MEGF10: variants seen among roughly 807,000 people sequenced by gnomAD.
MEGF10 encodes the protein multiple EGF like domains 10.
In MEGF10, 86 loss-of-function variants were observed where a neutral mutation model predicts 147.5. The observed-to-expected ratio is 0.58, with a 90% CI of 0.49 to 0.70. The LOEUF (loss-of-function observed/expected upper bound fraction) is 0.70. MEGF10 is among the 30% of genes least tolerant of loss of function. The pLI, the probability that MEGF10 is intolerant of heterozygous loss-of-function variation, is 0.00. For missense variants in MEGF10, 1,329 were observed against 1,487.3 expected, an observed-to-expected ratio of 0.89 and a Z score of 1.75; for synonymous variants, 478 against 525.5, an observed-to-expected ratio of 0.91 and a Z score of 1.24.
chr5:127,372,267 T>C (rs555796165), intron 5 of MEGF10, among the ~76,000 whole-genome samples: 5 of 152,350 alleles, frequency 3.3e-5, no homozygotes, highest in Admixed American at 2.0e-4. Context: ...AATTAGGAGA[T>C]AGAAACCACA....
At position 127,328,949 on chromosome 5, in the gene MEGF10, G is replaced by A. The variant is rs762352477; in HGVS notation, c.-18-2342G>A. On this transcript the variant is annotated intron_variant, in intron 1 of 24. Transcript: ENST00000503335. ...GGAAAACACTAGCTGTATATTACAC[G>A]GCTTCAACTGTAAAACAGGGACAAT... Among the ~76,000 whole-genome samples, 89 of 152,062 alleles carry A rather than the reference G, an allele frequency of 5.9e-4. 1 individual carries two copies. Among genetic ancestry groups the A allele is most frequent in the Admixed American group, 1.5e-3 (23 of 15,258 alleles).
the MEGF10 span, among the ~76,000 whole-genome samples, chr5:127,269,254 T>C: frequency 6.6e-6 from 1 of 152,216 alleles, no homozygotes; most frequent in South Asian, 2.1e-4. Context: ...TTTTGACGAG[T>C]TGAAAGAAGA....
intron 12 of MEGF10, 47 bp downstream of exon 12, chr5:127,420,254 A>G (rs942968198): frequency 2.5e-6 from 4 of 1,585,914 alleles, no homozygotes; most frequent in Non-Finnish European, 3.4e-6. Context: ...TGAGGAACTG[A>G]TGTTGTAAAG....
chr5:127,320,714 C>T (rs959969251), intron 1 of MEGF10, among the ~76,000 whole-genome samples: 4 of 152,214 alleles, frequency 2.6e-5, no homozygotes, highest in African/African-American at 4.8e-5. Context: ...GCAGTTTCCT[C>T]GCATTTTGCC....
At chr5:127,283,021 A>G in the MEGF10 span, among the ~76,000 whole-genome samples, 1 of 152,098 alleles carries the variant, frequency 6.6e-6, no homozygotes, top group Non-Finnish European at 1.5e-5. Context: ...ATTCTTGCTC[A>G]TTTTTAACTT....
At chr5:127,231,370 T>A in the MEGF10 span, among the ~76,000 whole-genome samples, 1 of 152,208 alleles carries the variant, frequency 6.6e-6, no homozygotes, top group Non-Finnish European at 1.5e-5. Flanking sequence ...CCACATGGCC[T>A]CCTTCCTGTG....
At chr5:127,344,929 T>C (rs1761826388) in intron 4 of MEGF10, among the ~76,000 whole-genome samples, 1 of 152,180 alleles carries the variant, frequency 6.6e-6, no homozygotes, top group Non-Finnish European at 1.5e-5. Context: ...TTTGGGAAAT[T>C]TAGCAAGGCA....
intron 1 of MEGF10, among the ~76,000 whole-genome samples, chr5:127,319,723 T>C (rs1421880737): frequency 1.3e-5 from 2 of 152,204 alleles, no homozygotes; most frequent in East Asian, 3.8e-4. Flanking sequence ...CTTATTAAAG[T>C]CTTTGGCTAA....
At chr5:127,340,281 T>C (rs1761629938) in intron 3 of MEGF10, among the ~76,000 whole-genome samples, 2 of 152,158 alleles carry the variant, frequency 1.3e-5, no homozygotes, top group South Asian at 2.1e-4. Context: ...ATGGGTATCA[T>C]ATATGAATTA....
chr5:127,373,394 CA>C (rs1397590559), intron 5 of MEGF10, among the ~76,000 whole-genome samples: 2 of 152,186 alleles, frequency 1.3e-5, no homozygotes, highest in African/African-American at 4.8e-5. Flanking sequence ...TCAGTTGATC[CA>C]CCCACCTCGG....
chr5:127,323,418 G>A (rs905175338), intron 1 of MEGF10, among the ~76,000 whole-genome samples: 2 of 152,184 alleles, frequency 1.3e-5, no homozygotes, highest in African/African-American at 4.8e-5. Context: ...GGCATTGTGA[G>A]GTTATGCCCC....
chr5:127,365,864 G>A (rs1438437678), intron 4 of MEGF10, among the ~76,000 whole-genome samples: 1 of 152,078 alleles, frequency 6.6e-6, no homozygotes, highest in Non-Finnish European at 1.5e-5. Context: ...AAAGGACATG[G>A]GTAGGGAATA....
intron 1 of MEGF10, among the ~76,000 whole-genome samples, chr5:127,327,718 T>C (rs1384205253): frequency 6.7e-6 from 1 of 149,014 alleles, no homozygotes; most frequent in South Asian, 2.1e-4. Context: ...TCTTTTCTTT[T>C]TTTTTTTTTT....
At chr5:127,287,920 A>C (rs1759078838), upstream of MEGF10, among the ~76,000 whole-genome samples, 1 of 152,062 alleles carries the variant, frequency 6.6e-6, no homozygotes, top group South Asian at 2.1e-4. Flanking sequence ...TGAAAGGAAT[A>C]ATGAGTGAAT....
Position 127,434,801 on chromosome 5 carries a change from C to G in MEGF10, c.1955C>G (p.Thr652Arg). 1 of 1,613,440 alleles carries G rather than the reference C, an allele frequency of 6.2e-7. No individual in the cohort carries two copies. ...TGLCDCLPGF[T>R]GALCNEVCPS... ...CTGTGTGACTGCTTGCCTGGCTTCA[C>G]AGGCGCCCTCTGCAATGAAGGTAAG... The change falls in exon 15 of 25, where the codon ACA (threonine) becomes AGA (arginine). Residue 652 changes from threonine (T) to arginine (R), a missense_variant. This residue lies in a region of MEGF10 where 980 missense variants were observed against 1,085.9 expected (regional missense o/e 0.90). Transcript: ENST00000503335.
At chr5:127,287,613 T>C (rs1158772062), upstream of MEGF10, among the ~76,000 whole-genome samples, 1 of 151,972 alleles carries the variant, frequency 6.6e-6, no homozygotes, top group East Asian at 1.9e-4. Flanking sequence ...GAGATAAATG[T>C]TCATAGGTTA....
chr5:127,447,907 C>T lies in MEGF10; in HGVS notation c.2856+223C>T, dbSNP rs116813299. Among the ~76,000 whole-genome samples the T allele has an allele frequency of 2.6e-3, 399 of 152,202 alleles. 6 individuals are homozygous for T. Among genetic ancestry groups the T allele is most frequent in the African/African-American group, 9.2e-3 (382 of 41,518 alleles). On this transcript the variant is annotated intron_variant, in intron 21 of 24. Transcript: ENST00000503335. Reference sequence around the variant, plus strand: ...TAAGTTACTTCCAGACATAGCTGCCCGATAATGAGTGAGGCAGCTGCTGTG... The same window carrying T: ...TAAGTTACTTCCAGACATAGCTGCCTGATAATGAGTGAGGCAGCTGCTGTG...
the MEGF10 span, among the ~76,000 whole-genome samples, chr5:127,267,176 T>C: frequency 1.3e-5 from 2 of 152,248 alleles, no homozygotes; most frequent in Admixed American, 1.3e-4. Flanking sequence ...TCTATTGAGA[T>C]AATCATGTGG....
At chr5:127,410,704 C>T (rs564552677) in intron 9 of MEGF10, 103 bp downstream of exon 9, 1 of 1,048,354 alleles carries the variant, frequency 9.5e-7, no homozygotes, top group Non-Finnish European at 1.4e-6. Flanking sequence ...CACCCCAAGC[C>T]CCCTCCTGCC....
Sources: gnomAD v4.1 joint callset for allele counts (sites outside exome capture counted in the v4.1 genomes callset) on GRCh38, gnomAD v4.1.1 for gene constraint, gnomAD v4.1.1 regional missense constraint, MANE v1.5 for transcripts, NCBI Gene and HGNC (gene_info 2026-07-23, HGNC 2026-07-21) for gene names.